Variants in PXMP2 observed in about 807,000 individuals in gnomAD.
PXMP2 encodes 22 kDa peroxisomal membrane protein.
Under a neutral mutation model 20.2 loss-of-function variants are expected in PXMP2, and 13 were observed. The observed-to-expected ratio is 0.64, with a 90% CI of 0.42 to 1.02. The LOEUF (loss-of-function observed/expected upper bound fraction) is 1.02. Among genes scored for constraint, PXMP2 ranks in the 50% least tolerant of loss-of-function variants. The pLI is 0.00. For synonymous variants in PXMP2, 113 were observed against 111.2 expected, an observed-to-expected ratio of 1.02 and a Z score of -0.10; for missense variants, 284 against 251.8, an observed-to-expected ratio of 1.13 and a Z score of -0.87.
chr12:132,702,553 CT>C, intron 4 of PXMP2: 2 of 301,982 alleles, frequency 6.6e-6, no homozygotes, highest in Non-Finnish European at 6.6e-6. Flanking sequence ...ACGTGCTTCC[CT>C]CCCCCAGAAG....
intron 2 of PXMP2, among the ~76,000 whole-genome samples, chr12:132,693,742 T>TA (rs1328281971): frequency 8.6e-5 from 12 of 138,956 alleles, no homozygotes; most frequent in African/African-American, 2.7e-4. Context: ...GCCAGTTAGT[T>TA]AGTGAGCTCC....
In PXMP2 at chr12:132,704,604, T is replaced by C; in HGVS notation, c.520-15T>C. On this transcript the variant is annotated splice_polypyrimidine_tract_variant and intron_variant, in intron 4 of 4. Coordinates refer to ENST00000317479, the MANE Select transcript of PXMP2 (RefSeq NM_018663.3). ...TCCCGCTGACCGTGGCCTGTTGGAC[T>C]GTTCTTTTCGGCAGTTCCGGGTGCT... 1 of 1,431,724 alleles carries C rather than the reference T, an allele frequency of 7.0e-7. No homozygotes were observed. The allele number at this position is 1,431,724 out of a possible 1,614,324, so 88.7% of individuals were successfully genotyped here.
At chr12:132,690,461 C>CGG in intron 2 of PXMP2, 85 bp downstream of exon 2, 1 of 975,566 alleles carries the variant, frequency 1.0e-6, no homozygotes, top group Non-Finnish European at 1.6e-6. Flanking sequence ...TTGGAGTACT[C>CGG]TTATTTGGAA....
rs1369150121 is a variant in PXMP2 at position 132,701,307 on chromosome 12, A to T, written c.457A>T (p.Arg153Trp). ...KMRGGFWPAL[R>W]MNWRVWTPLQ... ...GAGGGGGGGCTTCTGGCCGGCGCTG[A>T]GGATGAACTGGCGGGTGTGGACGCC... Residue 153 changes from arginine to tryptophan, a missense_variant, in exon 4 of 5, where the codon AGG (arginine) becomes TGG (tryptophan). Coordinates refer to ENST00000317479, the MANE Select transcript of PXMP2 (RefSeq NM_018663.3). 1.2e-6 allele frequency: 2 copies of T among 1,613,020 alleles called. No homozygotes were observed. The highest frequency in any genetic ancestry group is 4.5e-5 in the East Asian group (2 of 44,774).
In PXMP2 at chr12:132,687,592, G is replaced by C; in HGVS notation, c.-79G>C. The C allele has an allele frequency of 8.6e-7, 1 of 1,165,812 alleles. No homozygotes were observed. Among genetic ancestry groups the C allele is most frequent in the East Asian group, 3.7e-5 (1 of 27,078 alleles). 72.2% of individuals were successfully genotyped at this position (1,165,812 alleles called of 1,614,324 possible). A position where few individuals can be genotyped will look rare whatever the true frequency, so the allele number is the denominator to read the frequency against. On this transcript the variant is annotated 5_prime_UTR_variant, in exon 1 of 5. Transcript: ENST00000317479. Reference sequence around the variant, plus strand: ...GGAAATGTCAGGCGGTCCCCACTCCGCTCTCGGCGCCTCGGGCTCCGCGCC... The same window carrying C: ...GGAAATGTCAGGCGGTCCCCACTCCCCTCTCGGCGCCTCGGGCTCCGCGCC...
chr12:132,703,020 C>T (rs1226752048), intron 4 of PXMP2, among the ~76,000 whole-genome samples: 2 of 152,230 alleles, frequency 1.3e-5, no homozygotes, highest in Non-Finnish European at 2.9e-5. Context: ...AAAAAAATTT[C>T]CTTTGGCTTT....
In PXMP2 at chr12:132,701,387, C is replaced by T; in HGVS notation, c.519+18C>T. 6.2e-7 allele frequency: 1 copy of T among 1,611,388 alleles called. No homozygotes were observed. Among genetic ancestry groups the T allele is most frequent in the South Asian group, 1.1e-5 (1 of 91,016 alleles). On this transcript the variant is annotated intron_variant, in intron 4 of 4. Transcript: ENST00000317479. ...CTCTGAAGGTGAGGGCCACGGGGCT[C>T]AGCCTCTGCTAACATTACTTTGTCA...
intron 1 of PXMP2, chr12:132,688,058 C>G (rs893260802): frequency 1.5e-3 from 326 of 222,366 alleles, no homozygotes; most frequent in Non-Finnish European, 2.3e-3. Context: ...GAGGTTCCAC[C>G]CAAGGACCCA....
chr12:132,694,804 G>C (rs1366475994), intron 2 of PXMP2, among the ~76,000 whole-genome samples: 9 of 142,378 alleles, frequency 6.3e-5, no homozygotes, highest in African/African-American at 2.4e-4. Context: ...GCCCTTGCCA[G>C]TTAGTTAGTG....
At chr12:132,689,416 G>A (rs770944068) in intron 1 of PXMP2, among the ~76,000 whole-genome samples, 63 of 152,178 alleles carry the variant, frequency 4.1e-4, no homozygotes, top group Non-Finnish European at 6.5e-4. Flanking sequence ...CAGGGCAAAG[G>A]TCTCTGTTAG....
Position 132,690,373 on chromosome 12 carries a change from A to T in PXMP2, c.233A>T (p.Tyr78Phe). The T allele has an allele frequency of 6.2e-7, 1 of 1,611,672 alleles. No individual in the cohort carries two copies. Among genetic ancestry groups the T allele is most frequent in the Non-Finnish European group, 8.5e-7 (1 of 1,177,864 alleles). Residue 78 changes from tyrosine to phenylalanine, a missense_variant, in exon 2 of 5, where the codon TAC (tyrosine) becomes TTC (phenylalanine). Transcript: ENST00000317479. The part of the protein sequence containing the change: ...DVGGPLRYAV[Y>F]GFFFTGPLSH... The stretch of plus-strand genomic sequence containing the variant: ...GGTGGGCCTCTGAGATATGCCGTTT[A>T]CGGGTGAGTGCCATACAAGGGGTGG...
At chr12:132,691,350 TA>T (rs1486359454) in intron 2 of PXMP2, among the ~76,000 whole-genome samples, 1 of 152,210 alleles carries the variant, frequency 6.6e-6, no homozygotes, top group African/African-American at 2.4e-5. Context: ...GCCTGGCCTC[TA>T]TTGTTATTTT....
At chr12:132,687,910 C>T in intron 1 of PXMP2, 118 bp downstream of exon 1, 1 of 988,328 alleles carries the variant, frequency 1.0e-6, no homozygotes, top group Non-Finnish European at 1.2e-6. Context: ...GGTCAGAACC[C>T]CCGGAGCGGG....
At position 132,687,618 on chromosome 12, in the gene PXMP2, C is replaced by A. The variant is rs1427839257; in HGVS notation, c.-53C>A. The A allele has an allele frequency of 1.7e-6, 2 of 1,160,736 alleles. No homozygotes were observed. The highest frequency in any genetic ancestry group is 3.2e-5 in the African/African-American group (2 of 62,074). The allele number at this position is 1,160,736 out of a possible 1,614,324, so 71.9% of individuals were successfully genotyped here. ...CTCTCGGCGCCTCGGGCTCCGCGCC[C>A]GGCCAGCCTGAGGTGGGGTCGGTGC... On this transcript the variant is annotated 5_prime_UTR_variant, in exon 1 of 5. Transcript: ENST00000317479.
chr12:132,690,578 CT>C (rs34659814), intron 2 of PXMP2, among the ~76,000 whole-genome samples: 78,865 of 151,150 alleles, frequency 0.52, 20,896 homozygotes, highest in Non-Finnish European at 0.57. Context: ...TTTGTTTTTT[CT>C]TTTTTTTTGG....
At chr12:132,689,107 G>A (rs1358504383) in intron 1 of PXMP2, among the ~76,000 whole-genome samples, 23 of 105,864 alleles carry the variant, frequency 2.2e-4, no homozygotes, top group African/African-American at 7.5e-4. Flanking sequence ...CGCGGGTGAA[G>A]ACAGGGCCAA....
In PXMP2 at chr12:132,696,729, G is replaced by T. The variant is rs1395563343; in HGVS notation, c.399+683G>T. On this transcript the variant is annotated intron_variant, in intron 3 of 4. Coordinates refer to ENST00000317479, the MANE Select transcript of PXMP2 (RefSeq NM_018663.3). This position sits in a 1 kb window ranked among gnomAD's most constrained non-coding sequence, Gnocchi z 4.4. The stretch of plus-strand genomic sequence containing the variant: ...GCAGGAGAATGGCGTGAACCCGGGA[G>T]GTGGAGCTTGCCGTGAGCCGAGATG... Among the ~76,000 whole-genome samples, 2 of 152,326 alleles carry T rather than the reference G, an allele frequency of 1.3e-5. No homozygotes were observed. The highest frequency in any genetic ancestry group is 3.9e-4 in the East Asian group (2 of 5,174).
intron 4 of PXMP2, among the ~76,000 whole-genome samples, chr12:132,703,842 A>G (rs375315091): frequency 2.6e-5 from 4 of 152,166 alleles, no homozygotes; most frequent in African/African-American, 7.2e-5. Flanking sequence ...AGCTACAGCC[A>G]TGGGCCACTG....
intron 4 of PXMP2, among the ~76,000 whole-genome samples, chr12:132,703,409 C>T (rs1379513341): frequency 1.3e-5 from 2 of 152,054 alleles, no homozygotes; most frequent in South Asian, 2.1e-4. Context: ...TGGGCAAACA[C>T]GCATGTCCAG....
Sources: gnomAD v4.1 joint callset for allele counts (sites outside exome capture counted in the v4.1 genomes callset) on GRCh38, gnomAD v4.1.1 for gene constraint, Gnocchi (gnomAD v3.1) non-coding constraint, MANE v1.5 for transcripts, NCBI Gene and HGNC (gene_info 2026-07-23, HGNC 2026-07-21) for gene names.